CYB5R3: variants seen among roughly 807,000 people sequenced by gnomAD.
CYB5R3 encodes the protein cytochrome b5 reductase 3, also known as NADH-cytochrome b5 reductase 3.
CYB5R3 carries 28 observed loss-of-function variants against 36.5 expected under a neutral mutation model. That is an observed-to-expected ratio of 0.77 (90% CI 0.57 to 1.05). CYB5R3 has a LOEUF of 1.05. CYB5R3 is among the 50% of genes least tolerant of loss of function. CYB5R3 has a pLI of 0.00. For missense variants in CYB5R3, 474 were observed against 408.9 expected, an observed-to-expected ratio of 1.16 and a Z score of -1.37; for synonymous variants, 181 against 159.8, an observed-to-expected ratio of 1.13 and a Z score of -1.00.
In CYB5R3 at chr22:42,619,616, G is replaced by A. The variant is rs1411411558; in HGVS notation, c.*157C>T. ...CTGGGACACAGCCCTGCTCCCGAAG[G>A]GGCTCCAGGGGAACTGCTCAGCCAG... On this transcript the variant is annotated 3_prime_UTR_variant, in exon 9 of 9. Coordinates refer to ENST00000352397, the MANE Select transcript of CYB5R3 (RefSeq NM_000398.7). 1.4e-6 allele frequency: 1 copy of A among 690,744 alleles called. No individual in the cohort carries two copies. Among genetic ancestry groups the A allele is most frequent in the Non-Finnish European group, 2.4e-6 (1 of 411,828 alleles). The allele number at this position is 690,744 out of a possible 1,614,324, so 42.8% of individuals were successfully genotyped here. A position where few individuals can be genotyped will look rare whatever the true frequency, so the allele number is the denominator to read the frequency against.
chr22:42,636,869 G>T (rs754898459), intron 1 of CYB5R3, 23 bp from the exon 2 acceptor site: 31 of 1,610,788 alleles, frequency 1.9e-5, no homozygotes, highest in Non-Finnish European at 2.6e-5. Context: ...GACCCGCGGG[G>T]TCAGTGCAGG....
At chr22:42,620,780 T>C (rs998581757) in intron 8 of CYB5R3, among the ~76,000 whole-genome samples, 1 of 152,192 alleles carries the variant, frequency 6.6e-6, no homozygotes, top group Non-Finnish European at 1.5e-5. Context: ...GGGTCCTCTT[T>C]ATCTCATGGA....
At chr22:42,632,292 G>A (rs117911984) in intron 2 of CYB5R3, 2 of 152,444 alleles carry the variant, frequency 1.3e-5, no homozygotes, top group East Asian at 1.9e-4. Flanking sequence ...GAAGCCATGC[G>A]GAAGGTCGGC....
chr22:42,647,580 G>T (rs578132387), intron 1 of CYB5R3, among the ~76,000 whole-genome samples: 17 of 24,384 alleles, frequency 7.0e-4, no homozygotes, highest in Non-Finnish European at 7.3e-4. Context: ...AAGCCCAGGT[G>T]TGATGGCGAG....
intron 3 of CYB5R3, 90 bp from the exon 4 acceptor site, chr22:42,631,078 G>T (rs8190433): frequency 8.4e-7 from 1 of 1,192,652 alleles, no homozygotes; most frequent in Non-Finnish European, 1.2e-6. Flanking sequence ...CACCCCACCC[G>T]GCATTCAAAG....
chr22:42,642,650 G>C (rs550504395), intron 1 of CYB5R3, among the ~76,000 whole-genome samples: 2 of 152,280 alleles, frequency 1.3e-5, no homozygotes, highest in East Asian at 3.9e-4. Context: ...GCGTTAGCCA[G>C]GATGGTCTCG....
intron 4 of CYB5R3, among the ~76,000 whole-genome samples, chr22:42,629,195 T>C (rs1345121487): frequency 6.6e-6 from 1 of 152,256 alleles, no homozygotes; most frequent in African/African-American, 2.4e-5. Flanking sequence ...CCTCTGTGCT[T>C]CTGGACAAAG....
chr22:42,646,480 C>A (rs1195967743), intron 1 of CYB5R3, among the ~76,000 whole-genome samples: 3 of 152,204 alleles, frequency 2.0e-5, no homozygotes, highest in Non-Finnish European at 4.4e-5. Flanking sequence ...GCTGCCCACC[C>A]CTGGAATTCC....
intron 2 of CYB5R3, among the ~76,000 whole-genome samples, chr22:42,633,837 C>T (rs1006600904): frequency 3.3e-5 from 5 of 152,066 alleles, no homozygotes; most frequent in African/African-American, 1.2e-4. Flanking sequence ...GGTGCATGCA[C>T]ATGGTCCCAG....
rs377446087 is a variant in CYB5R3, at chr22:42,627,286, A to G, written c.633+18T>C. On this transcript the variant is annotated intron_variant, in intron 7 of 8. Transcript: ENST00000352397. ...TCAGGGTAAGCTGAGTTTCCCCATC[A>G]TGGGGATGCCCACTGACCTGGTTGG... is the stretch of plus-strand genomic sequence containing the variant. 2 of 1,611,492 alleles carry G rather than the reference A, an allele frequency of 1.2e-6. No homozygotes were observed. Among genetic ancestry groups the G allele is most frequent in the African/African-American group, 2.7e-5 (2 of 74,984 alleles).
At chr22:42,644,749 G>C in intron 1 of CYB5R3, 5 of 693,396 alleles carry the variant, frequency 7.2e-6, no homozygotes, top group South Asian at 6.5e-5. Flanking sequence ...CCATTGTTGG[G>C]GGCCCTGGCA....
At chr22:42,626,052 T>C (rs1928250227) in intron 7 of CYB5R3, among the ~76,000 whole-genome samples, 1 of 152,244 alleles carries the variant, frequency 6.6e-6, no homozygotes, top group Non-Finnish European at 1.5e-5. Flanking sequence ...CTCACGCCTG[T>C]AATCCCAACA....
intron 1 of CYB5R3, among the ~76,000 whole-genome samples, chr22:42,646,232 GACC>G (rs1929531065): frequency 1.3e-5 from 2 of 152,044 alleles, no homozygotes; most frequent in Non-Finnish European, 2.9e-5. Flanking sequence ...CACACACACA[GACC>G]ACCTCACCCC....
At chr22:42,631,110 A>C in intron 3 of CYB5R3, 122 bp from the exon 4 acceptor site, 1 of 954,298 alleles carries the variant, frequency 1.0e-6, no homozygotes, top group Non-Finnish European at 1.6e-6. Context: ...GTCAGCTCCC[A>C]CGGCCCCCTC....
In CYB5R3 at chr22:42,627,674, G is replaced by A. The variant is rs61732609; in HGVS notation, c.478C>T (p.Arg160Ter). The A allele has an allele frequency of 6.1e-5, 98 of 1,613,730 alleles. No homozygotes were observed. The highest frequency in any genetic ancestry group is 7.7e-5 in the Non-Finnish European group (91 of 1,179,740). Residue 160 changes from arginine to a stop codon, truncating the protein, a stop_gained, in exon 6 of 9, where the codon CGA becomes TGA. Coordinates refer to ENST00000352397, the MANE Select transcript of CYB5R3 (RefSeq NM_000398.7). LOFTEE classifies it high-confidence loss of function. ...VYQGKGKFAI[R>*]PDKKSNPIIR... Reference sequence around the variant, plus strand: ...ATAGGGTTGGACTTTTTGTCAGGTCGGATGGCGAACTTCCCTGGGGAGAGA... The same window carrying A: ...ATAGGGTTGGACTTTTTGTCAGGTCAGATGGCGAACTTCCCTGGGGAGAGA...
intron 8 of CYB5R3, among the ~76,000 whole-genome samples, chr22:42,621,741 G>A (rs1244647550): frequency 3.9e-5 from 6 of 152,238 alleles, no homozygotes; most frequent in Non-Finnish European, 7.4e-5. Flanking sequence ...ACCAGGCCTC[G>A]CTCTGGCCAC....
intron 1 of CYB5R3, among the ~76,000 whole-genome samples, chr22:42,643,588 G>A (rs1929393525): frequency 6.6e-6 from 1 of 152,066 alleles, no homozygotes; most frequent in East Asian, 1.9e-4. Context: ...GCTCCATGGG[G>A]CCCTTGGTAT....
chr22:42,630,340 G>A (rs982415356), intron 4 of CYB5R3, among the ~76,000 whole-genome samples: 1 of 152,178 alleles, frequency 6.6e-6, no homozygotes, highest in African/African-American at 2.4e-5. Context: ...CATTTCTTAG[G>A]GAAACGGGTA....
intron 3 of CYB5R3, 45 bp from the exon 4 acceptor site, chr22:42,631,033 G>T: frequency 6.4e-7 from 1 of 1,551,324 alleles, no homozygotes; most frequent in Non-Finnish European, 8.9e-7. Context: ...ATCATCCTGC[G>T]GGTGACCCCT....
Sources: allele counts gnomAD v4.1 joint callset (sites outside exome capture counted in the v4.1 genomes callset), GRCh38; gene constraint gnomAD v4.1.1; transcripts MANE v1.5; gene names NCBI Gene and HGNC (gene_info 2026-07-23, HGNC 2026-07-21).